Variants in COG4 observed in about 807,000 individuals in gnomAD.
COG4 encodes conserved oligomeric Golgi complex subunit 4.
In COG4, 65 loss-of-function variants were observed where a neutral mutation model predicts 95.1. The observed-to-expected ratio is 0.68, with a 90% CI of 0.56 to 0.84. COG4 has a LOEUF of 0.84. COG4 is among the 40% of genes least tolerant of loss of function. The pLI is 0.00. For missense variants in COG4, 1,045 were observed against 989.1 expected (o/e 1.06, Z -0.76); for synonymous variants, 421 against 374.8 (o/e 1.12, Z -1.42).
In COG4 at chr16:70,480,857, T is replaced by G; in HGVS notation, c.*153A>C. On this transcript the variant is annotated 3_prime_UTR_variant, in exon 19 of 19. Transcript: ENST00000323786. ...CCAGGTCTGAGGGCAGAGCATGGAG[T>G]GGGTCCAGACTTTGTTTCTCTGCTG... The G allele has an allele frequency of 1.2e-6, 1 of 847,558 alleles. No homozygotes were observed. Among genetic ancestry groups the G allele is most frequent in the East Asian group, 2.5e-5 (1 of 40,058 alleles). 52.5% of individuals were successfully genotyped at this position (847,558 alleles called of 1,614,324 possible).
chr16:70,517,371 T>C (rs2049843048), intron 3 of COG4, among the ~76,000 whole-genome samples: 1 of 151,488 alleles, frequency 6.6e-6, no homozygotes, highest in South Asian at 2.1e-4. Context: ...AAGGATAACT[T>C]GAGCCCAGGA....
At chr16:70,488,664 C>T (rs1327026376) in intron 13 of COG4, among the ~76,000 whole-genome samples, 1 of 152,230 alleles carries the variant, frequency 6.6e-6, no homozygotes, top group African/African-American at 2.4e-5. Context: ...TCTCCTGCCT[C>T]AGCCTCCCGA....
intron 2 of COG4, among the ~76,000 whole-genome samples, chr16:70,518,432 C>T (rs2049869560): frequency 6.6e-6 from 1 of 152,134 alleles, no homozygotes; most frequent in Non-Finnish European, 1.5e-5. Flanking sequence ...GATCATAGCT[C>T]ACTGCAGTTT....
intron 13 of COG4, among the ~76,000 whole-genome samples, chr16:70,486,947 A>C (rs867780108): frequency 2.0e-5 from 3 of 151,030 alleles, no homozygotes; most frequent in Non-Finnish European, 4.4e-5. Context: ...GTAAGCCGAG[A>C]CTGCGCCACT....
chr16:70,508,333 G>C, intron 8 of COG4, 73 bp downstream of exon 8: 1 of 1,212,578 alleles, frequency 8.2e-7, no homozygotes, highest in Non-Finnish European at 1.2e-6. Context: ...CATTGTAACA[G>C]AGTAGTCTGA....
chr16:70,484,824 A>G (rs1050741892), intron 13 of COG4, among the ~76,000 whole-genome samples: 1 of 152,128 alleles, frequency 6.6e-6, no homozygotes, highest in East Asian at 1.9e-4. Flanking sequence ...CCTTGAGCCC[A>G]AGGGTTCAAG....
intron 12 of COG4, among the ~76,000 whole-genome samples, chr16:70,491,212 C>T (rs138608747): frequency 1.3e-4 from 20 of 152,126 alleles, no homozygotes; most frequent in African/African-American, 4.8e-4. Context: ...AAATGAGACT[C>T]CTCAGAAGGT....
intron 1 of COG4, 163 bp downstream of exon 1, chr16:70,523,210 G>T: frequency 1.3e-6 from 1 of 779,834 alleles, no homozygotes; most frequent in South Asian, 1.5e-5. Context: ...AGCGTGAAAA[G>T]AGTTGACAGG....
At chr16:70,489,019 A>C (rs1269368642) in intron 13 of COG4, among the ~76,000 whole-genome samples, 3 of 152,182 alleles carry the variant, frequency 2.0e-5, no homozygotes, top group African/African-American at 7.2e-5. Context: ...CTTTTGCCTA[A>C]GGTCACACAG....
chr16:70,508,228 T>C (rs1209309102), intron 8 of COG4, among the ~76,000 whole-genome samples, 178 bp downstream of exon 8: 1 of 152,192 alleles, frequency 6.6e-6, no homozygotes, highest in Non-Finnish European at 1.5e-5. Context: ...TGATTATGAC[T>C]GATTACACAA....
intron 11 of COG4, among the ~76,000 whole-genome samples, chr16:70,497,020 C>T (rs1053801485): frequency 1.3e-5 from 2 of 152,102 alleles, no homozygotes; most frequent in African/African-American, 2.4e-5. Context: ...CAGTCTAGTC[C>T]AGGGAACAGA....
chr16:70,496,865 T>G (rs984404537), intron 11 of COG4, among the ~76,000 whole-genome samples: 1 of 152,172 alleles, frequency 6.6e-6, no homozygotes, highest in Admixed American at 6.5e-5. Flanking sequence ...GAGCTAACAG[T>G]TCCTACTTCA....
chr16:70,518,459 A>G (rs2049869847), intron 2 of COG4, among the ~76,000 whole-genome samples: 1 of 151,874 alleles, frequency 6.6e-6, no homozygotes, highest in Non-Finnish European at 1.5e-5. Context: ...TCTGGGCTCA[A>G]ATGATCCTCC....
intron 12 of COG4, among the ~76,000 whole-genome samples, chr16:70,493,780 C>G (rs1597664845): frequency 6.6e-6 from 1 of 151,894 alleles, no homozygotes; most frequent in Non-Finnish European, 1.5e-5. Context: ...GTGAATGCCA[C>G]ATGAGCACAG....
rs762819793 is a variant in COG4, at chr16:70,523,523, G to A, written c.21C>T (p.Asp7=). 3.5e-5 allele frequency: 57 copies of A among 1,613,864 alleles called. No homozygotes were observed. Among genetic ancestry groups the A allele is most frequent in the Non-Finnish European group, 4.6e-5 (54 of 1,180,044 alleles). MGTKMA[D]LDSPPKLSGV... ...CTGACAGCTTCGGAGGCGAATCAAG[G>A]TCCGCCATCTTGGTCCCCATTCGGC... The change falls in exon 1 of 19, where the codon GAC becomes GAT. Residue 7 remains aspartate, a synonymous_variant. Transcript: ENST00000323786.
At chr16:70,518,263 TAC>T (rs2049865982) in intron 2 of COG4, among the ~76,000 whole-genome samples, 1 of 152,118 alleles carries the variant, frequency 6.6e-6, no homozygotes, top group Admixed American at 6.6e-5. Context: ...CCTAAATAGG[TAC>T]AGTCAAAGAA....
At chr16:70,490,712 C>A (rs546216415) in intron 12 of COG4, among the ~76,000 whole-genome samples, 29 of 152,060 alleles carry the variant, frequency 1.9e-4, no homozygotes, top group Middle Eastern at 3.4e-3. Flanking sequence ...GAGATGGAGT[C>A]TGGCTCTGTC....
chr16:70,517,808 A>G (rs1597692121), intron 2 of COG4, 68 bp from the exon 3 acceptor site: 2 of 952,630 alleles, frequency 2.1e-6, no homozygotes, highest in East Asian at 2.4e-5. Flanking sequence ...TTTTTTTTGC[A>G]TATGGACACT....
Position 70,481,022 on chromosome 16 carries a change from C to G in COG4, c.2358G>C (p.Arg786Ser), listed in dbSNP as rs760163512. The change falls in exon 19 of 19, where the codon AGG (arginine) becomes AGC (serine). Residue 786 changes from arginine (R) to serine (S), a missense_variant. Coordinates refer to ENST00000323786, the MANE Select transcript of COG4 (RefSeq NM_015386.3). ...RIDFRSEDIK[R>S]LRL The stretch of plus-strand genomic sequence containing the variant: ...CTCATCCAGGCAGCTACAGGCGCAG[C>G]CTCTTGATATCTTCACTGCGGAAGT... The G allele has an allele frequency of 1.1e-5, 18 of 1,612,808 alleles. No homozygotes were observed. Among genetic ancestry groups the G allele is most frequent in the Non-Finnish European group, 1.5e-5 (18 of 1,180,030 alleles).
Sources: gnomAD v4.1 joint callset for allele counts (sites outside exome capture counted in the v4.1 genomes callset) on GRCh38, gnomAD v4.1.1 for gene constraint, MANE v1.5 for transcripts, NCBI Gene and HGNC (gene_info 2026-07-23, HGNC 2026-07-21) for gene names.